Variants in RBFOX1 observed in about 807,000 individuals in gnomAD.
RBFOX1 encodes the protein RNA binding protein fox-1 homolog 1.
RBFOX1 carries 8 observed loss-of-function variants against 57.7 expected under a neutral mutation model. That is an observed-to-expected ratio of 0.14 (90% CI 0.08 to 0.25). The LOEUF (loss-of-function observed/expected upper bound fraction) is 0.25, where lower values mean the gene tolerates loss of function less well. RBFOX1 is among the 10% of genes least tolerant of loss of function. The pLI is 1.00. For missense variants in RBFOX1, 611 were observed against 548.5 expected, an observed-to-expected ratio of 1.11 and a Z score of -1.14; for synonymous variants, 326 against 222.4, an observed-to-expected ratio of 1.47 and a Z score of -4.15.
intron 2 of RBFOX1, among the ~76,000 whole-genome samples, chr16:5,592,993 A>C (rs1392347394): frequency 6.6e-6 from 1 of 152,200 alleles, no homozygotes; most frequent in African/African-American, 2.4e-5. Flanking sequence ...CCAGATGGTT[A>C]AGGCATTCTA....
intron 5 of RBFOX1, among the ~76,000 whole-genome samples, chr16:7,535,054 G>T (rs1240030969): frequency 6.6e-6 from 1 of 152,134 alleles, no homozygotes; most frequent in Non-Finnish European, 1.5e-5. Flanking sequence ...TATAATAGGA[G>T]CATAACTAAC....
intron 10 of RBFOX1, among the ~76,000 whole-genome samples, chr16:7,619,959 C>T (rs529424569): frequency 6.6e-6 from 1 of 152,194 alleles, no homozygotes; most frequent in Non-Finnish European, 1.5e-5. Flanking sequence ...CCCCTGACTT[C>T]CCACTAGAAG....
chr16:5,330,070 T>G (rs910014545), intron 1 of RBFOX1, among the ~76,000 whole-genome samples: 4 of 151,948 alleles, frequency 2.6e-5, no homozygotes, highest in Non-Finnish European at 4.4e-5. Flanking sequence ...ACCCGTGAAC[T>G]CTCTGAGGCT....
At chr16:6,066,921 G>A (rs1008389700) in intron 1 of RBFOX1, among the ~76,000 whole-genome samples, 5 of 151,994 alleles carry the variant, frequency 3.3e-5, no homozygotes, top group African/African-American at 1.2e-4. Context: ...CCATTATGGT[G>A]TATTATGAAA....
intron 14 of RBFOX1, among the ~76,000 whole-genome samples, chr16:7,706,241 TCTCTTTTC>T (rs2082397863): frequency 6.6e-6 from 1 of 152,202 alleles, no homozygotes; most frequent in South Asian, 2.1e-4. Context: ...GCTGACATGA[TCTCTTTTC>T]CTCTGGGGAA....
chr16:6,795,220 C>G (rs532086764), intron 3 of RBFOX1, among the ~76,000 whole-genome samples: 2 of 152,154 alleles, frequency 1.3e-5, no homozygotes, highest in African/African-American at 4.8e-5. Flanking sequence ...AGGTTACCCA[C>G]TTGTGTCCAC....
intron 4 of RBFOX1, among the ~76,000 whole-genome samples, chr16:5,955,706 GATATAAAT>G (rs1292861822): frequency 1.3e-5 from 2 of 152,078 alleles, no homozygotes; most frequent in Non-Finnish European, 1.5e-5. Flanking sequence ...CTGGATAAAA[GATATAAAT>G]TAAGCTTACA....
rs116832188 is a variant in RBFOX1, at chr16:6,879,874, C to A, written c.-15-172183C>A. 9.2e-5 allele frequency among the ~76,000 whole-genome samples: 14 copies of A among 152,254 alleles called. No homozygotes were observed. The South Asian group carries it at 2.9e-3, about 32-fold the overall frequency. ...CATTTTGAATTATCTCATAAATGTG[C>A]AATCTTGCCTCACAGTTAAATCTGA... is the stretch of plus-strand genomic sequence containing the variant. On this transcript the variant is annotated intron_variant, in intron 3 of 15. Coordinates refer to ENST00000550418, the MANE Select transcript of RBFOX1 (RefSeq NM_018723.4).
intron 1 of RBFOX1, among the ~76,000 whole-genome samples, chr16:6,031,107 G>T (rs574624737): frequency 2.0e-5 from 3 of 152,154 alleles, no homozygotes. Context: ...GACCCTGTTC[G>T]GTAGGAACAT....
At position 6,414,807 on chromosome 16, in the gene RBFOX1, C is replaced by A. The variant is rs116549365; in HGVS notation, c.-64+97750C>A. On this transcript the variant is annotated intron_variant, in intron 2 of 15. Transcript: ENST00000550418. ...ACATTTGGCAATGTCTGTCTTGAGA[C>A]AATTTTCATTGGCACAACTGGAAGA... is the stretch of plus-strand genomic sequence containing the variant. 2.1e-3 allele frequency among the ~76,000 whole-genome samples: 313 copies of A among 152,226 alleles called. 1 individual carries two copies. Among genetic ancestry groups the A allele is most frequent in the African/African-American group, 7.1e-3 (293 of 41,546 alleles).
At chr16:6,357,199 T>A (rs2152859332) in intron 2 of RBFOX1, among the ~76,000 whole-genome samples, 1 of 152,210 alleles carries the variant, frequency 6.6e-6, no homozygotes, top group South Asian at 2.1e-4. Flanking sequence ...TGCACGCTAT[T>A]GTACAACACA....
chr16:6,667,106 G>A (rs748249705), intron 3 of RBFOX1, among the ~76,000 whole-genome samples: 2 of 152,166 alleles, frequency 1.3e-5, no homozygotes, highest in African/African-American at 2.4e-5. Context: ...TTTGAGGGTG[G>A]TGGTGGGTTG....
intron 1 of RBFOX1, among the ~76,000 whole-genome samples, chr16:6,115,583 A>G (rs11866746): frequency 0.045 from 6,831 of 152,220 alleles, 271 homozygotes; most frequent in African/African-American, 0.1. Context: ...GCCAGGTGGT[A>G]TAAGATTGCT....
At chr16:6,343,313 C>T (rs1371163407) in intron 2 of RBFOX1, among the ~76,000 whole-genome samples, 3 of 152,152 alleles carry the variant, frequency 2.0e-5, no homozygotes, top group South Asian at 4.1e-4. Flanking sequence ...ATTTCATTAT[C>T]ATTTAAATAT....
chr16:6,671,842 A>G (rs2098767138), intron 3 of RBFOX1, among the ~76,000 whole-genome samples: 4 of 152,238 alleles, frequency 2.6e-5, no homozygotes, highest in Admixed American at 2.6e-4. Flanking sequence ...AGCGTATCCC[A>G]GTAATTATAA....
At chr16:6,373,289 G>T (rs1252413090) in intron 2 of RBFOX1, among the ~76,000 whole-genome samples, 1 of 151,632 alleles carries the variant, frequency 6.6e-6, no homozygotes, top group Non-Finnish European at 1.5e-5. Context: ...TTGTCGGATG[G>T]GAGGATGGTT....
At chr16:5,995,678 T>A (rs1754155124) in intron 4 of RBFOX1, among the ~76,000 whole-genome samples, 1 of 152,180 alleles carries the variant, frequency 6.6e-6, no homozygotes, top group Admixed American at 6.5e-5. Context: ...AAGTCCAGAT[T>A]ATGTTCAAGC....
At chr16:5,668,950 C>G (rs889956930) in intron 3 of RBFOX1, among the ~76,000 whole-genome samples, 1 of 152,180 alleles carries the variant, frequency 6.6e-6, no homozygotes, top group African/African-American at 2.4e-5. Context: ...ATTGCTCCAG[C>G]AGGATGCCTA....
intron 3 of RBFOX1, among the ~76,000 whole-genome samples, chr16:6,655,260 GCTA>G (rs1240111952): frequency 6.7e-6 from 1 of 150,172 alleles, no homozygotes; most frequent in Non-Finnish European, 1.5e-5. Context: ...TGTAATCCCA[GCTA>G]CTTGGGAGGC....
Sources: gnomAD v4.1 joint callset for allele counts (sites outside exome capture counted in the v4.1 genomes callset) on GRCh38, gnomAD v4.1.1 for gene constraint, MANE v1.5 for transcripts, NCBI Gene and HGNC (gene_info 2026-07-23, HGNC 2026-07-21) for gene names.